Variants in LARP1 observed in about 807,000 individuals in gnomAD.
LARP1 encodes the protein la-related protein 1.
LARP1 carries 36 observed loss-of-function variants against 122.7 expected under a neutral mutation model. The ratio of observed to expected loss-of-function variants is 0.29; its 90% CI spans 0.22 to 0.39. The LOEUF is 0.39. Among genes scored for constraint, LARP1 ranks in the 10% least tolerant of loss-of-function variants. The pLI is 1.00. For synonymous variants in LARP1, 539 were observed against 528.7 expected, an observed-to-expected ratio of 1.02 and a Z score of -0.27; for missense variants, 1,040 against 1,403.6, an observed-to-expected ratio of 0.74 and a Z score of 4.14.
At chr5:154,810,154 G>T (rs1444618794) in intron 16 of LARP1, among the ~76,000 whole-genome samples, 1 of 151,950 alleles carries the variant, frequency 6.6e-6, no homozygotes, top group Admixed American at 6.6e-5. Context: ...TCTAAATCTG[G>T]ACTGGGTGCT....
chr5:154,715,156 G>A (rs1755420410), intron 1 of LARP1, among the ~76,000 whole-genome samples: 1 of 151,534 alleles, frequency 6.6e-6, no homozygotes, highest in South Asian at 2.1e-4. Flanking sequence ...CTCCAGCCTG[G>A]GCGACAGAGC....
chr5:154,711,143 T>C (rs1241023443), upstream of LARP1, among the ~76,000 whole-genome samples: 1 of 136,440 alleles, frequency 7.3e-6, no homozygotes, highest in Non-Finnish European at 1.5e-5. Flanking sequence ...GTGTGGTACT[T>C]TTTTTTTTTT....
chr5:154,814,292 T>G lies in LARP1; in HGVS notation c.*196T>G. The G allele has an allele frequency of 9.6e-6, 5 of 522,166 alleles. No homozygotes were observed. Among genetic ancestry groups the G allele is most frequent in the Non-Finnish European group, 6.9e-6 (2 of 289,368 alleles). 32.3% of individuals were successfully genotyped at this position (522,166 alleles called of 1,614,324 possible). A position where few individuals can be genotyped will look rare whatever the true frequency, so the allele number is the denominator to read the frequency against. On this transcript the variant is annotated 3_prime_UTR_variant, in exon 19 of 19. Transcript: ENST00000518297. ...CCTGGGCAGGAGCCTCTACATCCCCTTCCCCCTCCTCTCTCCATGACTCTT... is the reference window on the plus strand; with the variant it reads ...CCTGGGCAGGAGCCTCTACATCCCCGTCCCCCTCCTCTCTCCATGACTCTT...
chr5:154,694,434 T>A (rs1754376553), intron 1 of LARP1, among the ~76,000 whole-genome samples: 1 of 147,488 alleles, frequency 6.8e-6, no homozygotes, highest in Non-Finnish European at 1.5e-5. Context: ...TTTTTTTTTT[T>A]ATTTTAGTAG....
At chr5:154,788,747 A>C (rs1757087278) in intron 1 of LARP1, among the ~76,000 whole-genome samples, 1 of 152,134 alleles carries the variant, frequency 6.6e-6, no homozygotes, top group African/African-American at 2.4e-5. Flanking sequence ...CTTCCTTAAA[A>C]AAAAAAAAAA....
intron 1 of LARP1, chr5:154,685,917 C>A: frequency 2.1e-6 from 1 of 484,884 alleles, no homozygotes; most frequent in South Asian, 1.6e-5. Flanking sequence ...AATGCTTCCC[C>A]AAGCTACCTC....
chr5:154,718,872 T>C (rs1755680456), intron 1 of LARP1, among the ~76,000 whole-genome samples: 1 of 152,166 alleles, frequency 6.6e-6, no homozygotes, highest in Non-Finnish European at 1.5e-5. Context: ...TATTAGAAAT[T>C]TGCTATCCTT....
chr5:154,686,310 A>G (rs541335771), intron 1 of LARP1, among the ~76,000 whole-genome samples: 3 of 152,256 alleles, frequency 2.0e-5, no homozygotes, highest in Non-Finnish European at 2.9e-5. Flanking sequence ...GCTCCGGAAG[A>G]GGTGGTGTTT....
chr5:154,791,045 G>C (rs1437546743), intron 3 of LARP1, among the ~76,000 whole-genome samples: 3 of 151,872 alleles, frequency 2.0e-5, no homozygotes, highest in Non-Finnish European at 4.4e-5. Flanking sequence ...TCGAACTCCT[G>C]ACCTCAAGTG....
rs569519893 is a variant in LARP1, at chr5:154,803,653, C to A, written c.2347C>A (p.Pro783Thr). 2 of 1,614,070 alleles carry A rather than the reference C, an allele frequency of 1.2e-6. No homozygotes were observed. The highest frequency in any genetic ancestry group is 1.3e-5 in the African/African-American group (1 of 74,920). The change falls in exon 13 of 19, where the codon CCT becomes ACT. Residue 783 changes from proline to threonine, a missense_variant. Coordinates refer to ENST00000518297, the MANE Select transcript of LARP1 (RefSeq NM_033551.3). This position sits in a 1 kb window ranked among gnomAD's most constrained non-coding sequence, Gnocchi z 4.4. ...ESPNYRNTRT[P>T]RTPRTPQLKD... ...ACCAAACTACCGCAACACCAGGACC[C>A]CTCGCACTCCCCGGACACCACAGCT...
intron 16 of LARP1, among the ~76,000 whole-genome samples, chr5:154,809,479 A>G (rs1418180816): frequency 2.6e-5 from 4 of 151,256 alleles, no homozygotes; most frequent in South Asian, 2.1e-4. Context: ...CAAGCTTCCT[A>G]GTTTCTTCTT....
chr5:154,755,915 C>G lies in LARP1; in HGVS notation c.158C>G (p.Ala53Gly), dbSNP rs1218190594. 3 of 1,004,786 alleles carry G rather than the reference C, an allele frequency of 3.0e-6. No individual in the cohort carries two copies. Among genetic ancestry groups the G allele is most frequent in the Non-Finnish European group, 2.4e-6 (2 of 841,948 alleles). The allele number at this position is 1,004,786 out of a possible 1,614,324, so 62.2% of individuals were successfully genotyped here. Residue 53 changes from alanine to glycine, a missense_variant, in exon 1 of 19, where the codon GCT (alanine) becomes GGT (glycine). Transcript: ENST00000518297. ...CGCGGGGGGGAGCCGGACGGCAGCG[C>G]TCGGAGACCCCGGCCGCCCTGCGCC... ...DVRGGEPDGS[A>G]RRPRPPCAKP...
upstream of LARP1, among the ~76,000 whole-genome samples, chr5:154,708,348 T>C (rs1039997844): frequency 5.9e-5 from 9 of 152,200 alleles, no homozygotes; most frequent in African/African-American, 2.2e-4. Flanking sequence ...ATTGAGCAGG[T>C]TGAATATGTC....
At chr5:154,805,666 T>C (rs1758715793) in intron 14 of LARP1, 1 of 535,436 alleles carries the variant, frequency 1.9e-6, no homozygotes, top group South Asian at 2.6e-5. Context: ...TCCTAATCTC[T>C]GTAAGCCTCA....
At chr5:154,771,053 T>C (rs1314569550) in intron 1 of LARP1, among the ~76,000 whole-genome samples, 2 of 150,380 alleles carry the variant, frequency 1.3e-5, no homozygotes, top group African/African-American at 4.9e-5. Flanking sequence ...TGGAGGTTGC[T>C]GTGAGCCAAG....
intron 1 of LARP1, chr5:154,756,458 G>T (rs1254335292): frequency 6.1e-6 from 6 of 986,160 alleles, no homozygotes; most frequent in Non-Finnish European, 7.2e-6. Flanking sequence ...GGTGTGGTTC[G>T]GGCCTACCTC....
At chr5:154,710,566 A>C (rs927884480), upstream of LARP1, among the ~76,000 whole-genome samples, 1 of 151,950 alleles carries the variant, frequency 6.6e-6, no homozygotes, top group African/African-American at 2.4e-5. Flanking sequence ...ACATGGTGAA[A>C]CCCTGTCTCT....
chr5:154,744,037 G>A (rs1351101690), intron 1 of LARP1, among the ~76,000 whole-genome samples: 1 of 152,162 alleles, frequency 6.6e-6, no homozygotes, highest in Non-Finnish European at 1.5e-5. Flanking sequence ...ATGACAGTTT[G>A]TATTGACTCT....
Position 154,811,538 on chromosome 5 carries a change from C to G in LARP1, c.2979C>G (p.Phe993Leu). Reference protein sequence around the residue: ...EAGQLYGLEKFWAFLKYSKAK... With the variant: ...EAGQLYGLEKLWAFLKYSKAK... ...GCCAACTGTATGGGCTGGAGAAGTT[C>G]TGGGCCTTCTTGAAATATTCCAAAG... The change falls in exon 18 of 19, where the codon TTC (phenylalanine) becomes TTG (leucine). Residue 993 changes from phenylalanine to leucine, a missense_variant. Physicochemically the swap from Phe to Leu is conservative, Grantham distance 22. This residue lies in a region of LARP1 where 129 missense variants were observed against 160.8 expected (regional missense o/e 0.80). Transcript: ENST00000518297. 1.2e-6 allele frequency: 2 copies of G among 1,614,214 alleles called. No individual in the cohort carries two copies. The highest frequency in any genetic ancestry group is 1.7e-6 in the Non-Finnish European group (2 of 1,180,040).
Sources: allele counts gnomAD v4.1 joint callset (sites outside exome capture counted in the v4.1 genomes callset), GRCh38; gene constraint gnomAD v4.1.1; regional missense constraint gnomAD v4.1.1; non-coding constraint Gnocchi (gnomAD v3.1); transcripts MANE v1.5; gene names NCBI Gene and HGNC (gene_info 2026-07-23, HGNC 2026-07-21).